SECTM1: variants seen among roughly 807,000 people sequenced by gnomAD.
The protein encoded by SECTM1 is secreted and transmembrane protein 1.
In SECTM1, 10 loss-of-function variants were observed where a neutral mutation model predicts 18.1. That is an observed-to-expected ratio of 0.55 (90% CI 0.34 to 0.94). The LOEUF (loss-of-function observed/expected upper bound fraction) is 0.94. Ranked by LOEUF, SECTM1 falls within the 40% of genes least tolerant of loss-of-function variation. The pLI, the probability that SECTM1 is intolerant of heterozygous loss-of-function variation, is 0.02. For missense variants in SECTM1, 297 were observed against 322.6 expected (o/e 0.92, Z 0.61); for synonymous variants, 137 against 139.2 (o/e 0.98, Z 0.11).
rs1046026756 is a variant in SECTM1, at chr17:82,326,489, C to T, written c.94+658G>A. ...GTGTGCATGCCTGTAGTCCCAGCTA[C>T]TCGGGAGGCTGAGGTGGGAGGATCA... On this transcript the variant is annotated intron_variant, in intron 2 of 4. Transcript: ENST00000269389. This position sits in a 1 kb window ranked among gnomAD's most constrained non-coding sequence, Gnocchi z 4.3. Among the ~76,000 whole-genome samples, 2 of 151,780 alleles carry T rather than the reference C, an allele frequency of 1.3e-5. No homozygotes were observed. Among genetic ancestry groups the T allele is most frequent in the Non-Finnish European group, 1.5e-5 (1 of 67,954 alleles).
At chr17:82,324,503 C>CG in intron 3 of SECTM1, 79 bp downstream of exon 3, 2 of 1,162,972 alleles carry the variant, frequency 1.7e-6, no homozygotes, top group Non-Finnish European at 2.4e-6. Context: ...AGTCTCAGCC[C>CG]TCCCCCTGCC....
At chr17:82,323,219 G>C in intron 3 of SECTM1, 2 of 590,470 alleles carry the variant, frequency 3.4e-6, no homozygotes. Context: ...AGGAGACCCA[G>C]AGCGCAGGTG....
At position 82,325,300 on chromosome 17, in the gene SECTM1, G is replaced by A. The variant is rs557000737; in HGVS notation, c.95-410C>T. On this transcript the variant is annotated intron_variant, in intron 2 of 4. Transcript: ENST00000269389. This position sits in a 1 kb window ranked among gnomAD's most constrained non-coding sequence, Gnocchi z 7.6. ...TGCCGAATCACCCTCCTCGTGGGAA[G>A]CAGTGGCCAGGCCCCACCGCCCCCA... is the stretch of plus-strand genomic sequence containing the variant. 1.3e-5 allele frequency among the ~76,000 whole-genome samples: 2 copies of A among 152,340 alleles called. No homozygotes were observed. The highest frequency in any genetic ancestry group is 4.1e-4 in the South Asian group (2 of 4,832).
Position 82,330,139 on chromosome 17 carries a change from G to A in SECTM1, c.-52-2847C>T, listed in dbSNP as rs2052180062. Reference sequence around the variant, plus strand: ...GCTCCCTCACCCCACGCTCCACGATGCCAGCTCAGCCACCCACCTTGGAAC... The same window carrying A: ...GCTCCCTCACCCCACGCTCCACGATACCAGCTCAGCCACCCACCTTGGAAC... On this transcript the variant is annotated intron_variant, in intron 1 of 4. Transcript: ENST00000269389. This position sits in a 1 kb window ranked among gnomAD's most constrained non-coding sequence, Gnocchi z 6.1. Among the ~76,000 whole-genome samples the A allele has an allele frequency of 6.6e-6, 1 of 152,170 alleles. No individual in the cohort carries two copies. The highest frequency in any genetic ancestry group is 6.5e-5 in the Admixed American group (1 of 15,278).
rs1445612201 is a variant in SECTM1, at chr17:82,326,694, C to T, written c.94+453G>A. On this transcript the variant is annotated intron_variant, in intron 2 of 4. Coordinates refer to ENST00000269389, the MANE Select transcript of SECTM1 (RefSeq NM_003004.3). This position sits in a 1 kb window ranked among gnomAD's most constrained non-coding sequence, Gnocchi z 4.3. The stretch of plus-strand genomic sequence containing the variant: ...ATCTAGAGAGCTGGGGAGGATCTCA[C>T]TGGGGGACCCTGTTCAAATGCAGAT... Among the ~76,000 whole-genome samples the T allele has an allele frequency of 1.3e-5, 2 of 152,138 alleles. No homozygotes were observed. The highest frequency in any genetic ancestry group is 2.9e-5 in the Non-Finnish European group (2 of 68,020).
intron 2 of SECTM1, 64 bp downstream of exon 2, chr17:82,327,083 G>A (rs892951596): frequency 3.6e-5 from 47 of 1,293,852 alleles, no homozygotes; most frequent in Non-Finnish European, 4.3e-5. Flanking sequence ...CACCCCTCCT[G>A]CCCCTGTCAT....
At chr17:82,332,336 C>T (rs1599657820) in intron 1 of SECTM1, among the ~76,000 whole-genome samples, 1 of 152,178 alleles carries the variant, frequency 6.6e-6, no homozygotes, top group Non-Finnish European at 1.5e-5. Context: ...GGAAAGTTCA[C>T]GCACCGCCCA....
In SECTM1 at chr17:82,324,829, G is replaced by C. The variant is rs763931804; in HGVS notation, c.156C>G (p.Val52=). The C allele has an allele frequency of 6.2e-7, 1 of 1,614,102 alleles. No individual in the cohort carries two copies. The highest frequency in any genetic ancestry group is 8.5e-7 in the Non-Finnish European group (1 of 1,180,004). ...AGGCGTTGGAGATGTTGCAGGACAT[G>C]ACGGTGTTCTCGCCCCAAGACACAG... The part of the protein sequence containing the change: ...VVSVSWGENT[V]MSCNISNAFS... Residue 52 remains valine, a synonymous_variant, in exon 3 of 5, where the codon GTC becomes GTG. Transcript: ENST00000269389.
chr17:82,331,367 G>A (rs1402826423), intron 1 of SECTM1, among the ~76,000 whole-genome samples: 2 of 152,174 alleles, frequency 1.3e-5, no homozygotes, highest in Non-Finnish European at 2.9e-5. Context: ...TGGGCAGCAG[G>A]TGTCAGCGAC....
Position 82,322,302 on chromosome 17 carries a change from C to T in SECTM1, c.606G>A (p.Leu202=). 1 of 1,613,108 alleles carries T rather than the reference C, an allele frequency of 6.2e-7. No individual in the cohort carries two copies. The highest frequency in any genetic ancestry group is 8.5e-7 in the Non-Finnish European group (1 of 1,179,452). The change falls in exon 5 of 5, where the codon CTG becomes CTA. Residue 202 remains leucine (L), a synonymous_variant. Transcript: ENST00000269389. ...AALRAGAQQG[L]SRASAELWTP... is the part of the protein sequence containing the mutation. ...TCCACAGTTCAGCGGAGGCTCTGCT[C>T]AGGCCCTGCTGGGCTCCCGCTCTGA...
rs2052163139 is a variant in SECTM1 at position 82,328,100 on chromosome 17, G to A, written c.-52-808C>T. 1 of 151,484 alleles carries A rather than the reference G, an allele frequency of 6.6e-6. No homozygotes were observed. Among genetic ancestry groups the A allele is most frequent in the Non-Finnish European group, 1.5e-5 (1 of 68,010 alleles). The allele number at this position is 151,484 out of a possible 1,614,324, so 9.4% of individuals were successfully genotyped here. A position where few individuals can be genotyped will look rare whatever the true frequency, so the allele number is the denominator to read the frequency against. ...TTTCGAATCCATCGTTTACACCTCT[G>A]TGTGTTCCTAATGCGCAAGTCAGCT... is the stretch of plus-strand genomic sequence containing the variant. On this transcript the variant is annotated intron_variant, in intron 1 of 4. Transcript: ENST00000269389. The surrounding 1 kb of genome is among the most constrained non-coding windows in gnomAD (Gnocchi z 5.8).
Position 82,326,097 on chromosome 17 carries a change from G to T in SECTM1, c.94+1050C>A, listed in dbSNP as rs560850306. Among the ~76,000 whole-genome samples the T allele has an allele frequency of 6.6e-6, 1 of 152,224 alleles. No homozygotes were observed. Among genetic ancestry groups the T allele is most frequent in the South Asian group, 2.1e-4 (1 of 4,830 alleles). ...CCACTGCACAAATTCACACCGTCCC[G>T]AGGGCAGCGGGCGGCTGTCCAGGGG... On this transcript the variant is annotated intron_variant, in intron 2 of 4. Transcript: ENST00000269389. The surrounding 1 kb of genome is among the most constrained non-coding windows in gnomAD (Gnocchi z 4.3).
chr17:82,324,048 G>A (rs1008738338), intron 3 of SECTM1, among the ~76,000 whole-genome samples: 22 of 152,056 alleles, frequency 1.4e-4, no homozygotes, highest in African/African-American at 4.6e-4. Flanking sequence ...AGGGTGCTGC[G>A]CGGGCGACCT....
Position 82,327,190 on chromosome 17 carries a change from C to T in SECTM1, c.51G>A (p.Gly17=). ...AFPGHVSQAL[G]TLLFLAASLS... ...AGGAGGCAGCCAAAAACAGGAGGGTCCCAAGGGCCTGGGAAACGTGGCCAG... is the reference window on the plus strand; with the variant it reads ...AGGAGGCAGCCAAAAACAGGAGGGTTCCAAGGGCCTGGGAAACGTGGCCAG... Residue 17 remains glycine (G), a synonymous_variant, in exon 2 of 5, where the codon GGG becomes GGA. Transcript: ENST00000269389. 2 of 1,612,804 alleles carry T rather than the reference C, an allele frequency of 1.2e-6. No individual in the cohort carries two copies. The highest frequency in any genetic ancestry group is 1.7e-6 in the Non-Finnish European group (2 of 1,179,426).
chr17:82,325,548 C>T lies in SECTM1; in HGVS notation c.95-658G>A, dbSNP rs1401076600. On this transcript the variant is annotated intron_variant, in intron 2 of 4. Coordinates refer to ENST00000269389, the MANE Select transcript of SECTM1 (RefSeq NM_003004.3). This position sits in a 1 kb window ranked among gnomAD's most constrained non-coding sequence, Gnocchi z 7.6. ...TCCAGGTTGCTGGGCCAGCTCCATA[C>T]ACAGCTCCACAGTCCTGGGAGGTCA... 6.6e-6 allele frequency among the ~76,000 whole-genome samples: 1 copy of T among 152,238 alleles called. No homozygotes were observed. The highest frequency in any genetic ancestry group is 1.5e-5 in the Non-Finnish European group (1 of 68,038).
In SECTM1 at chr17:82,322,143, T is replaced by G. The variant is rs201887860; in HGVS notation, c.*18A>C. ...ACTCAGGGCTGGCTCTCCTGTGTCC[T>G]CTCTGCCTTGCAGGCGGCTATGGGT... On this transcript the variant is annotated 3_prime_UTR_variant, in exon 5 of 5. Transcript: ENST00000269389. 2.5e-5 allele frequency: 41 copies of G among 1,613,168 alleles called. No homozygotes were observed. In the East Asian group the frequency reaches 8.7e-4, roughly 34 times the overall value.
rs1406482329 is a variant in SECTM1, at chr17:82,326,426, C to A, written c.94+721G>T. ...ACCAGCCTGAGCAACATGGCAAAAC[C>A]CCATCTCTACAAAAAATACACAATT... On this transcript the variant is annotated intron_variant, in intron 2 of 4. Coordinates refer to ENST00000269389, the MANE Select transcript of SECTM1 (RefSeq NM_003004.3). The surrounding 1 kb of genome is among the most constrained non-coding windows in gnomAD (Gnocchi z 4.3). 1.3e-5 allele frequency among the ~76,000 whole-genome samples: 2 copies of A among 151,898 alleles called. No individual in the cohort carries two copies. Among genetic ancestry groups the A allele is most frequent in the East Asian group, 1.9e-4 (1 of 5,168 alleles).
Position 82,321,757 on chromosome 17 carries a change from T to A in SECTM1, c.*404A>T. The A allele has an allele frequency of 4.7e-6, 1 of 210,780 alleles. No homozygotes were observed. The highest frequency in any genetic ancestry group is 9.9e-6 in the Non-Finnish European group (1 of 101,378). 13.1% of individuals were successfully genotyped at this position (210,780 alleles called of 1,614,324 possible). A position where few individuals can be genotyped will look rare whatever the true frequency, so the allele number is the denominator to read the frequency against. On this transcript the variant is annotated 3_prime_UTR_variant, in exon 5 of 5. Transcript: ENST00000269389. ...GCCAAGGCCCCCCACAGCCCTGAAC[T>A]GGAGTGTGTCTGAGGCTCCGGCAGG...
chr17:82,325,015 T>A lies in SECTM1; in HGVS notation c.95-125A>T. 1.2e-6 allele frequency: 1 copy of A among 810,998 alleles called. No individual in the cohort carries two copies. The highest frequency in any genetic ancestry group is 1.9e-6 in the Non-Finnish European group (1 of 524,954). 50.2% of individuals were successfully genotyped at this position (810,998 alleles called of 1,614,324 possible). ...TCTAAGGGACACAGTGAACTATGTA[T>A]ACATCCACCCGACCCAATCAGCACA... On this transcript the variant is annotated intron_variant, in intron 2 of 4. Coordinates refer to ENST00000269389, the MANE Select transcript of SECTM1 (RefSeq NM_003004.3). This position sits in a 1 kb window ranked among gnomAD's most constrained non-coding sequence, Gnocchi z 7.6.
Sources: gnomAD v4.1 joint callset for allele counts (sites outside exome capture counted in the v4.1 genomes callset) on GRCh38, gnomAD v4.1.1 for gene constraint, Gnocchi (gnomAD v3.1) non-coding constraint, MANE v1.5 for transcripts, NCBI Gene and HGNC (gene_info 2026-07-23, HGNC 2026-07-21) for gene names.